The following NEDD1 variants were observed in gnomAD, a reference collection of about 807,000 sequenced individuals.
NEDD1 encodes the protein protein NEDD1.
Under a neutral mutation model 74.0 loss-of-function variants are expected in NEDD1, and 33 were observed. The ratio of observed to expected loss-of-function variants is 0.45; its 90% confidence interval spans 0.34 to 0.60. The LOEUF (loss-of-function observed/expected upper bound fraction) is 0.60. Among genes scored for constraint, NEDD1 ranks in the 20% least tolerant of loss-of-function variants. The pLI, the probability that NEDD1 is intolerant of heterozygous loss-of-function variation, is 0.01. For missense variants in NEDD1, 746 were observed against 776.5 expected, an observed-to-expected ratio of 0.96 and a Z score of 0.47; for synonymous variants, 250 against 264.4, an observed-to-expected ratio of 0.95 and a Z score of 0.53.
At position 96,935,093 on chromosome 12, in the gene NEDD1, A is replaced by C. The variant is rs200832974; in HGVS notation, c.607A>C (p.Ser203Arg). 2 of 1,610,566 alleles carry C rather than the reference A, an allele frequency of 1.2e-6. No homozygotes were observed. Among genetic ancestry groups the C allele is most frequent in the Non-Finnish European group, 1.7e-6 (2 of 1,176,674 alleles). Residue 203 changes from serine to arginine, a missense_variant, in exon 7 of 16, where the codon AGT becomes CGT. Physicochemically the swap from Ser to Arg is moderately radical, Grantham distance 110. Coordinates refer to ENST00000266742, the MANE Select transcript of NEDD1 (RefSeq NM_152905.4). ...NSQSPYHNFD[S>R]VHKAPASGIC... ...TCAGAGTCCATACCATAACTTTGAC[A>C]GTGTACACAAAGCTCCAGCGTCAGG...
At position 96,935,141 on chromosome 12, in the gene NEDD1, G is replaced by A; in HGVS notation, c.655G>A (p.Glu219Lys). 1 of 1,613,686 alleles carries A rather than the reference G, an allele frequency of 6.2e-7. No individual in the cohort carries two copies. ...ASGICFSPVNELLFVTIGLDK... is the reference protein window; with the variant it reads ...ASGICFSPVNKLLFVTIGLDK... ...AGGCATCTGTTTTTCTCCTGTCAAT[G>A]AATTGCTCTTTGTAACCATAGGCTT... Residue 219 changes from glutamate (E) to lysine (K), a missense_variant, in exon 7 of 16, where the codon GAA becomes AAA. Glu to Lys is a moderately conservative substitution (Grantham distance 56, BLOSUM62 1). Transcript: ENST00000266742.
intron 12 of NEDD1, among the ~76,000 whole-genome samples, chr12:96,944,006 A>C (rs1365112970): frequency 6.6e-6 from 1 of 152,150 alleles, no homozygotes. Flanking sequence ...TAAAGTGTGC[A>C]AGAACAGTTT....
Position 96,907,729 on chromosome 12 carries a change from G to T in NEDD1, c.-136G>T. On this transcript the variant is annotated 5_prime_UTR_variant, in exon 2 of 16. Coordinates refer to ENST00000266742, the MANE Select transcript of NEDD1 (RefSeq NM_152905.4). ...GAGTGGTGTAGTTGAATTGGTTCCT[G>T]TAGCCGCTGTCCCTAAACCCAGGCC... The T allele has an allele frequency of 6.5e-7, 1 of 1,548,752 alleles. No individual in the cohort carries two copies. The highest frequency in any genetic ancestry group is 8.7e-7 in the Non-Finnish European group (1 of 1,145,600).
intron 4 of NEDD1, among the ~76,000 whole-genome samples, chr12:96,915,643 G>A (rs777592866): frequency 2.6e-5 from 4 of 152,144 alleles, no homozygotes; most frequent in Admixed American, 6.5e-5. Flanking sequence ...ATGTGACTTC[G>A]TAGTGCATCT....
At chr12:96,938,903 A>G (rs892396290) in intron 9 of NEDD1, among the ~76,000 whole-genome samples, 2 of 151,856 alleles carry the variant, frequency 1.3e-5, no homozygotes, top group African/African-American at 4.8e-5. Flanking sequence ...CAGATCTGTC[A>G]CTTCCGGCCA....
At position 96,909,850 on chromosome 12, in the gene NEDD1, C is replaced by T. The variant is rs1382488791; in HGVS notation, c.91C>T (p.His31Tyr). 4 of 1,613,598 alleles carry T rather than the reference C, an allele frequency of 2.5e-6. No individual in the cohort carries two copies. Among genetic ancestry groups the T allele is most frequent in the African/African-American group, 1.3e-5 (1 of 74,886 alleles). Reference protein sequence around the residue: ...SMTLVDKFNPHTSPHGISSIC... With the variant: ...SMTLVDKFNPYTSPHGISSIC... ...GACATTGGTGGATAAATTCAACCCA[C>T]ACACATCACCACATGGAATCAGCTC... The change falls in exon 3 of 16, where the codon CAC (histidine) becomes TAC (tyrosine). Residue 31 changes from histidine to tyrosine, a missense_variant. Transcript: ENST00000266742.
chr12:96,950,196 A>T (rs1027740059), intron 14 of NEDD1, among the ~76,000 whole-genome samples: 2 of 149,756 alleles, frequency 1.3e-5, no homozygotes, highest in African/African-American at 4.8e-5. Flanking sequence ...TCAACTTCAC[A>T]ATTAATCAGA....
chr12:96,952,751 CAA>C lies in NEDD1; in HGVS notation c.*699_*700del, dbSNP rs1413733920. The C allele has an allele frequency of 6.6e-6, 1 of 151,636 alleles. No individual in the cohort carries two copies. The highest frequency in any genetic ancestry group is 1.9e-4 in the East Asian group (1 of 5,184). 9.4% of individuals were successfully genotyped at this position (151,636 alleles called of 1,614,324 possible). The stretch of plus-strand genomic sequence containing the variant: ...AATGTTTAAGGTTCATAGGACTCGA[CAA>C]GAGCTATCTGGTGATTTTCTCATTA... On this transcript the variant is annotated 3_prime_UTR_variant, in exon 16 of 16. Coordinates refer to ENST00000266742, the MANE Select transcript of NEDD1 (RefSeq NM_152905.4).
In NEDD1 at chr12:96,945,870, C is replaced by T. The variant is rs759759868; in HGVS notation, c.1811+21C>T. 3.3e-6 allele frequency: 5 copies of T among 1,515,756 alleles called. No homozygotes were observed. In the Admixed American group the frequency reaches 8.7e-5, roughly 26 times the overall value. 93.9% of individuals were successfully genotyped at this position (1,515,756 alleles called of 1,614,324 possible). ...TTTAGGTAGTAATTGAGAAACTACT[C>T]CTTCTATCTAGACCTTACTTGTTTT... On this transcript the variant is annotated intron_variant, in intron 14 of 15. Transcript: ENST00000266742.
rs1461541775 is a variant in NEDD1 at position 96,953,044 on chromosome 12, G to A, written c.*991G>A. 1 of 151,324 alleles carries A rather than the reference G, an allele frequency of 6.6e-6. No homozygotes were observed. The highest frequency in any genetic ancestry group is 1.5e-5 in the Non-Finnish European group (1 of 67,582). The allele number at this position is 151,324 out of a possible 1,614,324, so 9.4% of individuals were successfully genotyped here. A position where few individuals can be genotyped will look rare whatever the true frequency, so the allele number is the denominator to read the frequency against. ...TATACCTCTTTGGCAATAGATAGAT[G>A]TATACATCTACCTACTATGATCTAC... is the stretch of plus-strand genomic sequence containing the variant. On this transcript the variant is annotated 3_prime_UTR_variant, in exon 16 of 16. Coordinates refer to ENST00000266742, the MANE Select transcript of NEDD1 (RefSeq NM_152905.4).
intron 6 of NEDD1, among the ~76,000 whole-genome samples, chr12:96,921,481 A>G (rs1386799296): frequency 1.3e-5 from 2 of 152,120 alleles, no homozygotes; most frequent in South Asian, 2.1e-4. Context: ...GCACCCAGCC[A>G]GGGTTAGTCT....
rs148593109 is a variant in NEDD1, at chr12:96,922,845, C to T, written c.489+2720C>T. ...AAAGGAATCATATGTGGGCCAGACGCGGTGGCTACCTGTAATCTCAGCACT... is the reference window on the plus strand; with the variant it reads ...AAAGGAATCATATGTGGGCCAGACGTGGTGGCTACCTGTAATCTCAGCACT... On this transcript the variant is annotated intron_variant, in intron 6 of 15. Coordinates refer to ENST00000266742, the MANE Select transcript of NEDD1 (RefSeq NM_152905.4). 2.4e-4 allele frequency among the ~76,000 whole-genome samples: 36 copies of T among 152,234 alleles called. 2 individuals carry two copies. The South Asian group carries it at 5.6e-3, about 24-fold the overall frequency.
Position 96,945,695 on chromosome 12 carries a change from C to A in NEDD1, c.1657C>A (p.Pro553Thr). The A allele has an allele frequency of 1.3e-6, 2 of 1,575,412 alleles. No homozygotes were observed. The highest frequency in any genetic ancestry group is 1.7e-6 in the Non-Finnish European group (2 of 1,145,864). ...PPINGSSTPN[P>T]KIASSVTAGV... ...ATTTTCTTCATTCTTTATTTTAGAT[C>A]CAAAGATAGCATCTTCTGTCACTGC... Residue 553 changes from proline to threonine, a missense_variant and splice_region_variant, in exon 14 of 16, where the codon CCA becomes ACA. Pro to Thr is a conservative substitution (Grantham distance 38). Around this residue, in one of 3 missense-constraint regions of NEDD1, gnomAD observed 706 missense variants for 706.7 expected, o/e 1.00. Coordinates refer to ENST00000266742, the MANE Select transcript of NEDD1 (RefSeq NM_152905.4).
At chr12:96,929,110 C>T (rs1225325497) in intron 6 of NEDD1, among the ~76,000 whole-genome samples, 1 of 151,224 alleles carries the variant, frequency 6.6e-6, no homozygotes, top group African/African-American at 2.4e-5. Context: ...ATTTTCTTTG[C>T]TTATCTTCAG....
Position 96,951,497 on chromosome 12 carries a change from T to G in NEDD1, c.1877T>G (p.Leu626Arg). ...ATGATTAAACAGTTTCATATGCAAC[T>G]GGTATGTATGGCAAATTTTATTTTA... is the stretch of plus-strand genomic sequence containing the variant. ...VEMIKQFHMQ[L>R]NEMHSLLERY... The change falls in exon 15 of 16, where the codon CTG becomes CGG. Residue 626 changes from leucine (L) to arginine (R), a missense_variant and splice_region_variant. Coordinates refer to ENST00000266742, the MANE Select transcript of NEDD1 (RefSeq NM_152905.4). 6.8e-7 allele frequency: 1 copy of G among 1,460,032 alleles called. No individual in the cohort carries two copies. Among genetic ancestry groups the G allele is most frequent in the Non-Finnish European group, 9.5e-7 (1 of 1,047,658 alleles). The allele number at this position is 1,460,032 out of a possible 1,614,324, so 90.4% of individuals were successfully genotyped here.
In NEDD1 at chr12:96,936,813, G is replaced by C. The variant is rs774526595; in HGVS notation, c.921+1G>C. The C allele has an allele frequency of 1.9e-6, 3 of 1,574,580 alleles. No homozygotes were observed. Among genetic ancestry groups the C allele is most frequent in the Admixed American group, 1.7e-5 (1 of 58,260 alleles). ...TCAGTACTCCACTGTTCTTACTAAG[G>C]TGAGACATTTTCTTTTCAGCATTTT... is the stretch of plus-strand genomic sequence containing the variant. On this transcript the variant is annotated splice_donor_variant, in intron 8 of 15. Coordinates refer to ENST00000266742, the MANE Select transcript of NEDD1 (RefSeq NM_152905.4). LOFTEE classifies it high-confidence loss of function.
chr12:96,941,560 G>A (rs918355475), intron 10 of NEDD1, among the ~76,000 whole-genome samples: 1 of 152,066 alleles, frequency 6.6e-6, no homozygotes, highest in African/African-American at 2.4e-5. Context: ...GATGTAGGTG[G>A]AGAGAAAAGT....
intron 15 of NEDD1, 118 bp from the exon 16 acceptor site, chr12:96,951,831 T>C: frequency 1.6e-6 from 1 of 622,014 alleles, no homozygotes; most frequent in Non-Finnish European, 2.8e-6. Context: ...GTACAAGAAA[T>C]ATCATTCACC....
intron 4 of NEDD1, among the ~76,000 whole-genome samples, chr12:96,916,704 C>G (rs571140820): frequency 6.6e-6 from 1 of 151,092 alleles, no homozygotes; most frequent in African/African-American, 2.4e-5. Context: ...TGAGTAATGC[C>G]GCAATAAACA....
Sources: gnomAD v4.1 joint callset for allele counts (sites outside exome capture counted in the v4.1 genomes callset) on GRCh38, gnomAD v4.1.1 for gene constraint, gnomAD v4.1.1 regional missense constraint, MANE v1.5 for transcripts, NCBI Gene and HGNC (gene_info 2026-07-23, HGNC 2026-07-21) for gene names.